The following PCSK5 variants were observed in gnomAD, a reference collection of about 807,000 sequenced individuals.
PCSK5 encodes proprotein convertase subtilisin/kexin type 5.
A neutral mutation model predicts 233.2 loss-of-function variants in PCSK5; 129 were observed. The ratio of observed to expected loss-of-function variants is 0.55; its 90% CI spans 0.48 to 0.64. The LOEUF is 0.64. PCSK5 is among the 30% of genes least tolerant of loss of function. The pLI is 0.00. For missense variants in PCSK5, 2,076 were observed against 2,430.1 expected (o/e 0.85, Z 3.06); for synonymous variants, 825 against 879.2 (o/e 0.94, Z 1.09).
At chr9:76,118,547 T>A (rs569621284) in intron 9 of PCSK5, among the ~76,000 whole-genome samples, 67 of 152,162 alleles carry the variant, frequency 4.4e-4, no homozygotes, top group African/African-American at 1.5e-3. Flanking sequence ...GCCACTAGTA[T>A]CTTAGAAGCA....
chr9:76,342,063 A>G (rs1829851163), intron 35 of PCSK5, among the ~76,000 whole-genome samples: 1 of 152,114 alleles, frequency 6.6e-6, no homozygotes, highest in Non-Finnish European at 1.5e-5. Flanking sequence ...TTGCATTTAT[A>G]TTTCCTTTAT....
chr9:76,327,260 C>A (rs907831426), intron 32 of PCSK5, among the ~76,000 whole-genome samples: 40 of 152,056 alleles, frequency 2.6e-4, no homozygotes, highest in Non-Finnish European at 1.5e-5. Flanking sequence ...GCACCCGCCA[C>A]CATGCCCAGC....
intron 4 of PCSK5, among the ~76,000 whole-genome samples, chr9:76,026,075 C>T (rs1828412866): frequency 7.1e-6 from 1 of 141,072 alleles, no homozygotes; most frequent in African/African-American, 2.6e-5. Context: ...CCACTGCCCT[C>T]CAGCCTGGGT....
At chr9:76,341,507 T>C (rs1320638454) in intron 35 of PCSK5, among the ~76,000 whole-genome samples, 1 of 152,222 alleles carries the variant, frequency 6.6e-6, no homozygotes, top group East Asian at 1.9e-4. Flanking sequence ...TTGCCCAGGC[T>C]GATCTTGAAC....
At chr9:76,155,040 G>A (rs116022175) in intron 10 of PCSK5, among the ~76,000 whole-genome samples, 2 of 152,082 alleles carry the variant, frequency 1.3e-5, no homozygotes, top group African/African-American at 4.8e-5. Context: ...GTTTTAAAAT[G>A]AATATGCTTA....
chr9:76,248,070 C>T (rs577705410), intron 24 of PCSK5, among the ~76,000 whole-genome samples: 39 of 152,138 alleles, frequency 2.6e-4, no homozygotes, highest in Non-Finnish European at 5.1e-4. Flanking sequence ...AGGCATGAGC[C>T]ACCGCTCCCG....
chr9:76,039,022 G>C (rs1303633162), intron 5 of PCSK5, among the ~76,000 whole-genome samples: 1 of 152,166 alleles, frequency 6.6e-6, no homozygotes, highest in Non-Finnish European at 1.5e-5. Flanking sequence ...TGTTACATTT[G>C]TAGGTGTGTT....
At chr9:76,169,344 G>A (rs962658059) in intron 12 of PCSK5, among the ~76,000 whole-genome samples, 1 of 152,014 alleles carries the variant, frequency 6.6e-6, no homozygotes, top group Admixed American at 6.6e-5. Flanking sequence ...CCAGAGCCTC[G>A]TATCATTTTG....
chr9:76,126,474 G>A (rs7049138), intron 9 of PCSK5, among the ~76,000 whole-genome samples: 71,179 of 151,622 alleles, frequency 0.47, 17,080 homozygotes, highest in Admixed American at 0.52. Flanking sequence ...TTAGCTAGGC[G>A]TGATGGCACA....
intron 20 of PCSK5, chr9:76,193,476 TTTTCTTTCTCTCTCTCTCAAGTTTG>T: frequency 1.4e-6 from 1 of 725,586 alleles, no homozygotes; most frequent in Non-Finnish European, 2.1e-6. Context: ...CTTGCTCTCT[TTTTCTTTCTCTCTCTCTCAAGTTTG>T]TGCAGGGAGA....
intron 2 of PCSK5, among the ~76,000 whole-genome samples, chr9:75,934,329 C>CAG (rs1203724619): frequency 2.0e-5 from 3 of 152,188 alleles, no homozygotes; most frequent in Non-Finnish European, 4.4e-5. Context: ...ACCAGCTTTG[C>CAG]AGAGAGAGAG....
chr9:76,025,871 A>G (rs1450345293), intron 4 of PCSK5, among the ~76,000 whole-genome samples: 4 of 152,198 alleles, frequency 2.6e-5, no homozygotes, highest in Non-Finnish European at 5.9e-5. Flanking sequence ...GCCCCTCAGG[A>G]GTTCTAACCA....
intron 9 of PCSK5, among the ~76,000 whole-genome samples, chr9:76,109,963 A>G (rs944573897): frequency 2.0e-5 from 3 of 152,192 alleles, no homozygotes; most frequent in South Asian, 4.1e-4. Flanking sequence ...GTAACAGTGC[A>G]TTAAGGCTGC....
chr9:76,194,713 C>T (rs542151456), intron 20 of PCSK5: 4 of 455,312 alleles, frequency 8.8e-6, no homozygotes, highest in Admixed American at 2.4e-5. Context: ...TGGCCAGAAA[C>T]GATGAAATCT....
At chr9:76,231,899 T>C (rs1014867858) in intron 21 of PCSK5, among the ~76,000 whole-genome samples, 1 of 152,138 alleles carries the variant, frequency 6.6e-6, no homozygotes, top group African/African-American at 2.4e-5. Flanking sequence ...CTGCGGATGG[T>C]TAACAGAACA....
Position 76,361,764 on chromosome 9 carries a change from A to G in PCSK5, c.*2842A>G, listed in dbSNP as rs190072734. 7 of 152,350 alleles carry G rather than the reference A, an allele frequency of 4.6e-5. No individual in the cohort carries two copies. Among genetic ancestry groups the G allele is most frequent in the African/African-American group, 7.2e-5 (3 of 41,576 alleles). The allele number at this position is 152,350 out of a possible 1,614,324, so 9.4% of individuals were successfully genotyped here. ...CTGAAGCCCTGATAGTTCTACTTTC[A>G]ATTCTTAGAAACATATAAAAATATA... On this transcript the variant is annotated 3_prime_UTR_variant, in exon 38 of 38. Transcript: ENST00000674117.
intron 5 of PCSK5, among the ~76,000 whole-genome samples, chr9:76,042,389 G>A (rs1030816685): frequency 3.3e-5 from 5 of 152,174 alleles, no homozygotes; most frequent in African/African-American, 1.2e-4. Context: ...GGTGGCTCAC[G>A]CCTGTAATCC....
chr9:76,262,820 T>C (rs1232890592), intron 24 of PCSK5, among the ~76,000 whole-genome samples: 3 of 150,764 alleles, frequency 2.0e-5, no homozygotes, highest in Admixed American at 6.6e-5. Flanking sequence ...CAAAAGAAAC[T>C]ACCATCAGAG....
At chr9:76,262,883 C>A (rs1827222597) in intron 24 of PCSK5, among the ~76,000 whole-genome samples, 2 of 150,784 alleles carry the variant, frequency 1.3e-5, no homozygotes, top group South Asian at 4.2e-4. Flanking sequence ...GCTCATCTGA[C>A]AAAGGGCTAA....
Sources: allele counts gnomAD v4.1 joint callset (sites outside exome capture counted in the v4.1 genomes callset), GRCh38; gene constraint gnomAD v4.1.1; transcripts MANE v1.5; gene names NCBI Gene and HGNC (gene_info 2026-07-23, HGNC 2026-07-21).